The following AP2B1 variants were observed in gnomAD, a reference collection of about 807,000 sequenced individuals.
AP2B1 encodes the protein adaptor related protein complex 2 subunit beta 1.
A neutral mutation model predicts 102.0 loss-of-function variants in AP2B1; 23 were observed. The ratio of observed to expected loss-of-function variants is 0.23; its 90% CI spans 0.16 to 0.32. The LOEUF (loss-of-function observed/expected upper bound fraction) is 0.32, where lower values mean the gene tolerates loss of function less well. Among genes scored for constraint, AP2B1 ranks in the 10% least tolerant of loss-of-function variants. The pLI is 1.00. For synonymous variants in AP2B1, 381 were observed against 421.2 expected (o/e 0.90, Z 1.17); for missense variants, 541 against 1,157.4 (o/e 0.47, Z 7.73).
chr17:35,688,874 G>T (rs900689868), intron 18 of AP2B1, among the ~76,000 whole-genome samples: 8 of 152,164 alleles, frequency 5.3e-5, no homozygotes, highest in Non-Finnish European at 1.0e-4. Context: ...TGAAGTAGGA[G>T]AATTGCTTGA....
intron 18 of AP2B1, among the ~76,000 whole-genome samples, chr17:35,699,132 T>A (rs2076193762): frequency 6.6e-6 from 1 of 152,194 alleles, no homozygotes; most frequent in South Asian, 2.1e-4. Context: ...TTGGCTTCCT[T>A]TCGAATCAAG....
intron 18 of AP2B1, among the ~76,000 whole-genome samples, chr17:35,691,276 G>T (rs934048793): frequency 6.6e-6 from 1 of 152,076 alleles, no homozygotes; most frequent in Non-Finnish European, 1.5e-5. Flanking sequence ...AGGAAATTCT[G>T]TCCCTTGCTA....
chr17:35,659,518 A>T (rs1463247190), intron 14 of AP2B1, among the ~76,000 whole-genome samples: 1 of 152,206 alleles, frequency 6.6e-6, no homozygotes, highest in East Asian at 1.9e-4. Flanking sequence ...AATTCCTGCA[A>T]GTATTGTATC....
At chr17:35,591,361 C>G (rs571257425) in intron 1 of AP2B1, among the ~76,000 whole-genome samples, 1 of 151,886 alleles carries the variant, frequency 6.6e-6, no homozygotes, top group Admixed American at 6.6e-5. Context: ...TTATTAGAGA[C>G]GGAGTTTCGC....
chr17:35,701,188 A>G (rs1346875906), intron 18 of AP2B1, among the ~76,000 whole-genome samples: 1 of 152,104 alleles, frequency 6.6e-6, no homozygotes, highest in African/African-American at 2.4e-5. Context: ...CACAATATGT[A>G]AAACTGAACA....
intron 16 of AP2B1, among the ~76,000 whole-genome samples, chr17:35,672,752 T>C (rs1041412636): frequency 4.6e-5 from 7 of 152,264 alleles, no homozygotes; most frequent in Admixed American, 2.6e-4. Flanking sequence ...AGACTTTTAA[T>C]TATTAGTTAT....
chr17:35,675,810 A>G (rs539026119), intron 17 of AP2B1, among the ~76,000 whole-genome samples: 9 of 151,062 alleles, frequency 6.0e-5, no homozygotes, highest in Admixed American at 4.6e-4. Flanking sequence ...TCTTTTATAT[A>G]CTGTTTTTCT....
intron 20 of AP2B1, among the ~76,000 whole-genome samples, chr17:35,715,316 A>G (rs933795037): frequency 6.6e-6 from 1 of 152,222 alleles, no homozygotes; most frequent in Non-Finnish European, 1.5e-5. Context: ...AGAGAGACAG[A>G]GAGAGTTTCT....
chr17:35,641,369 A>C (rs185654868), intron 11 of AP2B1, among the ~76,000 whole-genome samples: 1 of 152,302 alleles, frequency 6.6e-6, no homozygotes, highest in Admixed American at 6.5e-5. Flanking sequence ...AGCCAGGGCT[A>C]TGAGACCAGC....
chr17:35,705,299 A>G (rs2076319015), intron 18 of AP2B1, among the ~76,000 whole-genome samples: 2 of 152,190 alleles, frequency 1.3e-5, no homozygotes, highest in Non-Finnish European at 2.9e-5. Flanking sequence ...TGTGTAGTTG[A>G]TCCTATAAAG....
chr17:35,708,840 G>A (rs2076394716), intron 18 of AP2B1, among the ~76,000 whole-genome samples: 9 of 151,970 alleles, frequency 5.9e-5, no homozygotes. Context: ...AAATGAGAGG[G>A]GAATGATATC....
intron 5 of AP2B1, among the ~76,000 whole-genome samples, chr17:35,610,507 A>G (rs569844858): frequency 8.5e-5 from 13 of 152,264 alleles, no homozygotes; most frequent in African/African-American, 2.4e-4. Flanking sequence ...ATATGCCTAT[A>G]ATCCTAGCAC....
At chr17:35,592,630 C>T (rs936130410) in intron 1 of AP2B1, among the ~76,000 whole-genome samples, 4 of 152,096 alleles carry the variant, frequency 2.6e-5, no homozygotes, top group African/African-American at 9.7e-5. Flanking sequence ...GCAGCTTCCG[C>T]CTCCCAGGTC....
chr17:35,717,561 A>C (rs1221903235), intron 21 of AP2B1, among the ~76,000 whole-genome samples: 1 of 152,194 alleles, frequency 6.6e-6, no homozygotes, highest in Non-Finnish European at 1.5e-5. Context: ...ATCTCTGGCA[A>C]GTGCCTCAAA....
intron 21 of AP2B1, among the ~76,000 whole-genome samples, chr17:35,720,573 A>ATATATATTT (rs1324333805): frequency 8.9e-4 from 25 of 28,068 alleles, no homozygotes; most frequent in South Asian, 2.0e-3. Flanking sequence ...ATATATATAT[A>ATATATATTT]TTTTTTTTTT....
intron 5 of AP2B1, among the ~76,000 whole-genome samples, chr17:35,612,987 A>C (rs2073910469): frequency 6.6e-6 from 1 of 151,332 alleles, no homozygotes; most frequent in Admixed American, 6.6e-5. Context: ...CATTATAGAA[A>C]TCTCAAAAAA....
chr17:35,596,356 T>A (rs1409171281), intron 2 of AP2B1, among the ~76,000 whole-genome samples: 1 of 152,156 alleles, frequency 6.6e-6, no homozygotes, highest in African/African-American at 2.4e-5. Context: ...CTATGCTACT[T>A]TTGTAGCTGT....
rs781817406 is a variant in AP2B1, at chr17:35,709,338, T to C, written c.2539+30T>C. On this transcript the variant is annotated intron_variant, in intron 19 of 21. Transcript: ENST00000610402. The stretch of plus-strand genomic sequence containing the variant: ...GTACCTTCCTGCCTGTCCTGCTGAA[T>C]ATACCTTTGCCCTTCCTGTGCATGT... 9 of 1,582,462 alleles carry C rather than the reference T, an allele frequency of 5.7e-6. No homozygotes were observed. In the East Asian group the frequency reaches 1.3e-4, roughly 24 times the overall value.
chr17:35,603,909 T>C (rs545747719), intron 3 of AP2B1, among the ~76,000 whole-genome samples: 1 of 152,278 alleles, frequency 6.6e-6, no homozygotes, highest in East Asian at 1.9e-4. Context: ...TTGTGTCTGC[T>C]GAAACTGGGC....
Sources: gnomAD v4.1 joint callset for allele counts (sites outside exome capture counted in the v4.1 genomes callset) on GRCh38, gnomAD v4.1.1 for gene constraint, MANE v1.5 for transcripts, NCBI Gene and HGNC (gene_info 2026-07-23, HGNC 2026-07-21) for gene names.